ANOS1: variants seen among roughly 807,000 people sequenced by gnomAD.
ANOS1 encodes anosmin-1.
Under a neutral mutation model 59.0 loss-of-function variants are expected in ANOS1, and 6 were observed. That is an observed-to-expected ratio of 0.10 (90% CI 0.06 to 0.20). The LOEUF is 0.20. Ranked by LOEUF, ANOS1 falls within the 10% of genes least tolerant of loss-of-function variation. The pLI is 1.00. For synonymous variants in ANOS1, 217 were observed against 223.4 expected (o/e 0.97, Z 0.25); for missense variants, 433 against 542.3 (o/e 0.80, Z 2.00).
chrX:8,540,873 T>C (rs1327475021), intron 9 of ANOS1, among the ~76,000 whole-genome samples: 1 of 108,756 alleles, frequency 9.2e-6, no homozygotes, highest in Non-Finnish European at 1.9e-5. Flanking sequence ...GTTTTAATTT[T>C]TACATAGCAG....
chrX:8,644,793 C>T (rs1399480133), intron 2 of ANOS1, among the ~76,000 whole-genome samples: 3 of 112,695 alleles, frequency 2.7e-5, no homozygotes, highest in Non-Finnish European at 5.6e-5. Context: ...TTAACTCTTT[C>T]AACCAATCGC....
At chrX:8,637,490 C>G (rs776963742) in intron 2 of ANOS1, among the ~76,000 whole-genome samples, 1 of 112,021 alleles carries the variant, frequency 8.9e-6, no homozygotes, top group Non-Finnish European at 1.9e-5. Context: ...GAGTAGCTCA[C>G]ATTACCTAGA....
Position 8,725,615 on chromosome X carries a change from T to C in ANOS1, c.207+6215A>G, listed in dbSNP as rs11796815. ...ATACAGATATATATATACAGATATA[T>C]ATATATACAGATATATATATACAGA... On this transcript the variant is annotated intron_variant, in intron 1 of 13. Transcript: ENST00000262648. 5.3e-4 allele frequency among the ~76,000 whole-genome samples: 29 copies of C among 55,021 alleles called. 1 individual carries two copies. Among genetic ancestry groups the C allele is most frequent in the East Asian group, 2.8e-3 (4 of 1,410 alleles). 47.8% of individuals were successfully genotyped at this position (55,021 alleles called of 115,157 possible).
At chrX:8,698,550 A>T (rs996084669) in intron 2 of ANOS1, among the ~76,000 whole-genome samples, 2 of 112,328 alleles carry the variant, frequency 1.8e-5, no homozygotes, top group Admixed American at 9.5e-5. Flanking sequence ...CTAAAATTCC[A>T]GTTGAAGACC....
Position 8,665,083 on chromosome X carries a change from C to T in ANOS1, c.255+34615G>A, listed in dbSNP as rs150898895. Among the ~76,000 whole-genome samples the T allele has an allele frequency of 9.0e-3, 1,005 of 111,696 alleles. 13 individuals are homozygous for T. The highest frequency in any genetic ancestry group is 0.011 in the Non-Finnish European group (606 of 53,166). On this transcript the variant is annotated intron_variant, in intron 2 of 13. Coordinates refer to ENST00000262648, the MANE Select transcript of ANOS1 (RefSeq NM_000216.4). ...ACGACAAGACAAGCCTGAAGCATCC[C>T]GTCATGCTGCAAAGGCGGGACGTGC...
rs371530867 is a variant in ANOS1 at position 8,586,278 on chromosome X, T to C, written c.727-882A>G. Among the ~76,000 whole-genome samples the C allele has an allele frequency of 2.9e-4, 33 of 112,195 alleles. 2 individuals carry two copies. Among genetic ancestry groups the C allele is most frequent in the East Asian group, 2.8e-3 (10 of 3,574 alleles). ...ATAATAACCTCAGCTTAAAATAACT[T>C]AATGTGAAAATGACTGTCACGTTTA... On this transcript the variant is annotated intron_variant, in intron 5 of 13. Coordinates refer to ENST00000262648, the MANE Select transcript of ANOS1 (RefSeq NM_000216.4).
intron 1 of ANOS1, among the ~76,000 whole-genome samples, chrX:8,705,461 T>C (rs1317784878): frequency 9.0e-6 from 1 of 111,559 alleles, no homozygotes; most frequent in African/African-American, 3.3e-5. Context: ...AGCCGTTCTG[T>C]GCTTTTACCT....
chrX:8,714,596 A>G (rs1169925563), intron 1 of ANOS1, among the ~76,000 whole-genome samples: 1 of 111,720 alleles, frequency 9.0e-6, no homozygotes, highest in African/African-American at 3.3e-5. Flanking sequence ...ACATTTTGGA[A>G]TATGCCTGGT....
chrX:8,618,056 C>A (rs1465183776), intron 3 of ANOS1, among the ~76,000 whole-genome samples: 1 of 111,628 alleles, frequency 9.0e-6, no homozygotes, highest in East Asian at 2.8e-4. Context: ...CACTAACCAA[C>A]CATGTGATCT....
In ANOS1 at chrX:8,529,211, G is replaced by A. The variant is rs956402154; in HGVS notation, c.*3784C>T. The A allele has an allele frequency of 2.3e-4, 26 of 111,496 alleles. No individual in the cohort carries two copies. Among genetic ancestry groups the A allele is most frequent in the African/African-American group, 7.8e-4 (24 of 30,740 alleles). The allele number at this position is 111,496 out of a possible 1,213,427, so 9.2% of individuals were successfully genotyped here. ...TATATAGACCTCTGTTAATCACTCC[G>A]TAAATCATATAACTCACTAGAATAT... On this transcript the variant is annotated 3_prime_UTR_variant, in exon 14 of 14. Coordinates refer to ENST00000262648, the MANE Select transcript of ANOS1 (RefSeq NM_000216.4).
chrX:8,595,358 T>A (rs755654597), intron 4 of ANOS1, among the ~76,000 whole-genome samples: 35 of 111,320 alleles, frequency 3.1e-4, no homozygotes, highest in Non-Finnish European at 4.0e-4. Context: ...TAAAGAAACA[T>A]CACTTGGTAA....
At chrX:8,693,477 C>T (rs1328044260) in intron 2 of ANOS1, among the ~76,000 whole-genome samples, 1 of 111,350 alleles carries the variant, frequency 9.0e-6, no homozygotes, top group Non-Finnish European at 1.9e-5. Flanking sequence ...AAATAAGTTA[C>T]GAACATGAGA....
intron 2 of ANOS1, among the ~76,000 whole-genome samples, chrX:8,668,842 G>T (rs1332325027): frequency 9.0e-6 from 1 of 111,128 alleles, no homozygotes; most frequent in Non-Finnish European, 1.9e-5. Flanking sequence ...CACTGTTCTA[G>T]CCACAAACAC....
Position 8,699,679 on chromosome X carries a change from AC to A in ANOS1, c.255+18del. The A allele has an allele frequency of 8.5e-7, 1 of 1,170,877 alleles. No individual in the cohort carries two copies. Among genetic ancestry groups the A allele is most frequent in the Non-Finnish European group, 1.2e-6 (1 of 863,105 alleles). ...ATTAAAAGTTTTTTGCACCATTCATACAGGTATAGGAAACGTACCTTAGAAC... is the reference window on the plus strand; with the variant it reads ...ATTAAAAGTTTTTTGCACCATTCATAAGGTATAGGAAACGTACCTTAGAAC... On this transcript the variant is annotated intron_variant, in intron 2 of 13. Coordinates refer to ENST00000262648, the MANE Select transcript of ANOS1 (RefSeq NM_000216.4).
At chrX:8,632,733 G>A (rs1218401089) in intron 2 of ANOS1, among the ~76,000 whole-genome samples, 1 of 108,855 alleles carries the variant, frequency 9.2e-6, no homozygotes, top group Non-Finnish European at 1.9e-5. Flanking sequence ...AATTTTGTCT[G>A]GAGTATTGCC....
intron 2 of ANOS1, among the ~76,000 whole-genome samples, chrX:8,690,280 C>T (rs1368317906): frequency 8.9e-6 from 1 of 112,062 alleles, no homozygotes; most frequent in Non-Finnish European, 1.9e-5. Flanking sequence ...CATTGTCAAA[C>T]GTGATTTGGC....
At chrX:8,598,207 C>T (rs1930777861) in intron 3 of ANOS1, among the ~76,000 whole-genome samples, 1 of 111,962 alleles carries the variant, frequency 8.9e-6, no homozygotes, top group Non-Finnish European at 1.9e-5. Context: ...ATCTGTGACA[C>T]AGTTGGGGTC....
At position 8,621,119 on chromosome X, in the gene ANOS1, A is replaced by T. The variant is rs181205730; in HGVS notation, c.318+2489T>A. ...AGTGGCTCATGCCTATAATACCAGC[A>T]ATTTGGGAGGCCAAGGCAGGCGGAT... is the stretch of plus-strand genomic sequence containing the variant. On this transcript the variant is annotated intron_variant, in intron 3 of 13. Coordinates refer to ENST00000262648, the MANE Select transcript of ANOS1 (RefSeq NM_000216.4). Among the ~76,000 whole-genome samples, 832 of 111,560 alleles carry T rather than the reference A, an allele frequency of 7.5e-3. 10 individuals are homozygous for T. Among genetic ancestry groups the T allele is most frequent in the African/African-American group, 0.026 (792 of 30,696 alleles).
At chrX:8,613,745 A>G (rs1253363728) in intron 3 of ANOS1, among the ~76,000 whole-genome samples, 1 of 111,719 alleles carries the variant, frequency 9.0e-6, no homozygotes, top group Non-Finnish European at 1.9e-5. Context: ...GGCTCAAGCA[A>G]TCCTCCTGCC....
Sources: gnomAD v4.1 joint callset for allele counts (sites outside exome capture counted in the v4.1 genomes callset) on GRCh38, gnomAD v4.1.1 for gene constraint, MANE v1.5 for transcripts, NCBI Gene and HGNC (gene_info 2026-07-23, HGNC 2026-07-21) for gene names.